Variants in MAGI2 observed in about 807,000 individuals in gnomAD.
The protein encoded by MAGI2 is membrane-associated guanylate kinase, WW and PDZ domain-containing protein 2.
MAGI2 carries 35 observed loss-of-function variants against 133.3 expected under a neutral mutation model. The ratio of observed to expected loss-of-function variants is 0.26; its 90% CI spans 0.20 to 0.35. MAGI2 has a LOEUF of 0.35. Among genes scored for constraint, MAGI2 ranks in the 10% least tolerant of loss-of-function variants. The probability of loss-of-function intolerance (pLI) is 1.00; values close to 1 mark genes in which losing one functional copy is unlikely to be tolerated. For synonymous variants in MAGI2, 729 were observed against 710.6 expected (o/e 1.03, Z -0.41); for missense variants, 1,636 against 1,863.4 (o/e 0.88, Z 2.25).
At chr7:79,280,983 C>A (rs1835598466) in intron 1 of MAGI2, among the ~76,000 whole-genome samples, 1 of 131,762 alleles carries the variant, frequency 7.6e-6, no homozygotes, top group Non-Finnish European at 1.6e-5. Context: ...ATAAGGTTTG[C>A]CTGCAGAATG....
intron 20 of MAGI2, among the ~76,000 whole-genome samples, chr7:78,090,448 G>A (rs1817075259): frequency 6.6e-6 from 1 of 152,140 alleles, no homozygotes; most frequent in African/African-American, 2.4e-5. Flanking sequence ...TAATGGCAGA[G>A]GGAGAGTCTT....
chr7:79,374,534 G>A (rs945676847), intron 1 of MAGI2, among the ~76,000 whole-genome samples: 1 of 151,946 alleles, frequency 6.6e-6, no homozygotes, highest in Non-Finnish European at 1.5e-5. Flanking sequence ...ATGAATTTAT[G>A]CTTCAGCCAT....
chr7:78,346,128 AT>A, intron 7 of MAGI2, 85 bp from the exon 8 acceptor site: 1 of 1,461,080 alleles, frequency 6.8e-7, no homozygotes, highest in African/African-American at 1.4e-5. Flanking sequence ...AGAGCAGGTG[AT>A]TAAGGGCCAC....
chr7:78,448,361 C>A (rs143581941), intron 6 of MAGI2, among the ~76,000 whole-genome samples: 51 of 152,094 alleles, frequency 3.4e-4, no homozygotes, highest in Non-Finnish European at 6.6e-4. Flanking sequence ...TACTATTTTC[C>A]ATAATGGATA....
chr7:79,430,737 A>C (rs1480749924), intron 1 of MAGI2, among the ~76,000 whole-genome samples: 1 of 152,240 alleles, frequency 6.6e-6, no homozygotes, highest in Non-Finnish European at 1.5e-5. Context: ...TGTGCATAGA[A>C]TATCACAGAA....
intron 2 of MAGI2, among the ~76,000 whole-genome samples, chr7:78,843,835 T>A (rs1405084894): frequency 6.6e-6 from 1 of 151,366 alleles, no homozygotes; most frequent in South Asian, 2.1e-4. Context: ...AATAGTTTAA[T>A]ACATAATCAT....
chr7:78,190,097 CTTA>C (rs1281551250), intron 12 of MAGI2, among the ~76,000 whole-genome samples: 1 of 152,144 alleles, frequency 6.6e-6, no homozygotes, highest in Non-Finnish European at 1.5e-5. Context: ...TTGAACCTGA[CTTA>C]TTTTCTATAT....
chr7:78,568,590 T>C (rs995345782), intron 3 of MAGI2, among the ~76,000 whole-genome samples: 37 of 152,194 alleles, frequency 2.4e-4, no homozygotes, highest in Admixed American at 4.6e-4. Context: ...TTTTAAAACA[T>C]AACCTATGAC....
chr7:78,548,477 T>G (rs964754423), intron 3 of MAGI2, among the ~76,000 whole-genome samples: 1 of 152,044 alleles, frequency 6.6e-6, no homozygotes, highest in South Asian at 2.1e-4. Flanking sequence ...GGAGGATCAC[T>G]TGAGGTCAGG....
chr7:78,726,027 C>A (rs1461105651), intron 2 of MAGI2, among the ~76,000 whole-genome samples: 2 of 152,074 alleles, frequency 1.3e-5, no homozygotes, highest in African/African-American at 4.8e-5. Context: ...TTTAATATAG[C>A]TGCTCCAAAA....
At position 79,194,085 on chromosome 7, in the gene MAGI2, A is replaced by G. The variant is rs1827885287; in HGVS notation, c.302-186879T>C. ...AGTATTCAGCTGGTTGGAAAATTGA[A>G]AGAATCTCCTACGAGTCATTTATTC... On this transcript the variant is annotated intron_variant, in intron 1 of 21. Coordinates refer to ENST00000354212, the MANE Select transcript of MAGI2 (RefSeq NM_012301.4). Among the ~76,000 whole-genome samples, 2 of 151,976 alleles carry G rather than the reference A, an allele frequency of 1.3e-5. 1 individual carries two copies.
intron 1 of MAGI2, among the ~76,000 whole-genome samples, chr7:79,131,705 C>T (rs1820951394): frequency 6.6e-6 from 1 of 152,120 alleles, no homozygotes; most frequent in South Asian, 2.1e-4. Context: ...GAAAAAACTA[C>T]TTCAATTACA....
At chr7:78,642,643 G>A (rs1205552788) in intron 2 of MAGI2, among the ~76,000 whole-genome samples, 1 of 152,170 alleles carries the variant, frequency 6.6e-6, no homozygotes, top group Non-Finnish European at 1.5e-5. Flanking sequence ...GGAATTATAT[G>A]AGAAATTTTT....
At chr7:79,234,699 A>AT (rs143818311) in intron 1 of MAGI2, among the ~76,000 whole-genome samples, 84,771 of 148,218 alleles carry the variant, frequency 0.57, 26,030 homozygotes, top group Non-Finnish European at 0.68. Context: ...ATTCTTCTCA[A>AT]TTTTTTTCAA....
At chr7:78,176,641 C>CT (rs1826643171) in intron 14 of MAGI2, among the ~76,000 whole-genome samples, 1 of 152,026 alleles carries the variant, frequency 6.6e-6, no homozygotes, top group Admixed American at 6.6e-5. Flanking sequence ...ATTAGATTAA[C>CT]TTTTTTCTCC....
At chr7:78,499,346 G>C (rs1794415263) in intron 5 of MAGI2, among the ~76,000 whole-genome samples, 1 of 152,078 alleles carries the variant, frequency 6.6e-6, no homozygotes, top group South Asian at 2.1e-4. Context: ...GTAAGCTTTG[G>C]CTTCCCTGAA....
intron 6 of MAGI2, among the ~76,000 whole-genome samples, chr7:78,403,402 T>A (rs1369357809): frequency 6.6e-6 from 1 of 152,218 alleles, no homozygotes; most frequent in African/African-American, 2.4e-5. Flanking sequence ...TCTATCATTG[T>A]TGGACATTTG....
chr7:78,814,733 T>A (rs1160881030), intron 2 of MAGI2, among the ~76,000 whole-genome samples: 4 of 152,154 alleles, frequency 2.6e-5, no homozygotes, highest in Non-Finnish European at 4.4e-5. Flanking sequence ...TTTCTATTAT[T>A]ATTATTTGAG....
chr7:78,520,450 A>G (rs1214654664), intron 4 of MAGI2, among the ~76,000 whole-genome samples: 1 of 152,180 alleles, frequency 6.6e-6, no homozygotes, highest in Admixed American at 6.5e-5. Context: ...GAAAATATAG[A>G]CATCAAAGTG....
Sources: gnomAD v4.1 joint callset for allele counts (sites outside exome capture counted in the v4.1 genomes callset) on GRCh38, gnomAD v4.1.1 for gene constraint, MANE v1.5 for transcripts, NCBI Gene and HGNC (gene_info 2026-07-23, HGNC 2026-07-21) for gene names.